Variants in SND1 observed in about 807,000 individuals in gnomAD.
SND1 encodes staphylococcal nuclease domain-containing protein 1.
In SND1, 38 loss-of-function variants were observed where a neutral mutation model predicts 121.7. The ratio of observed to expected loss-of-function variants is 0.31; its 90% CI spans 0.24 to 0.41. The LOEUF (loss-of-function observed/expected upper bound fraction) is 0.41, where lower values mean the gene tolerates loss of function less well. SND1 is among the 10% of genes least tolerant of loss of function. The pLI, the probability that SND1 is intolerant of heterozygous loss-of-function variation, is 1.00. For synonymous variants in SND1, 401 were observed against 447.4 expected, an observed-to-expected ratio of 0.90 and a Z score of 1.31; for missense variants, 868 against 1,184.6, an observed-to-expected ratio of 0.73 and a Z score of 3.92.
chr7:127,922,632 A>G (rs1240792230), intron 14 of SND1, among the ~76,000 whole-genome samples: 5 of 152,140 alleles, frequency 3.3e-5, no homozygotes, highest in Non-Finnish European at 7.4e-5. Context: ...GTTTTCTTCC[A>G]TATGTTGGAG....
At chr7:127,707,260 A>T (rs1344810469) in intron 8 of SND1, among the ~76,000 whole-genome samples, 1 of 152,178 alleles carries the variant, frequency 6.6e-6, no homozygotes, top group Admixed American at 6.5e-5. Context: ...ATTTTTTTGT[A>T]GTAGTCACCC....
chr7:127,771,656 A>G (rs1439143106), intron 10 of SND1, among the ~76,000 whole-genome samples: 2 of 152,176 alleles, frequency 1.3e-5, no homozygotes, highest in African/African-American at 2.4e-5. Context: ...ACATACATAC[A>G]CATAGCTTAA....
intron 1 of SND1, among the ~76,000 whole-genome samples, chr7:127,682,151 A>G (rs1587592304): frequency 6.6e-6 from 1 of 152,192 alleles, no homozygotes; most frequent in African/African-American, 2.4e-5. Context: ...AAACCAAGTC[A>G]TTTATCAGAA....
intron 21 of SND1, among the ~76,000 whole-genome samples, chr7:128,087,618 C>T (rs1176483401): frequency 1.3e-5 from 2 of 151,964 alleles, no homozygotes; most frequent in Admixed American, 1.3e-4. Context: ...TGAGAAGGAG[C>T]GAATTTGGGC....
intron 12 of SND1, among the ~76,000 whole-genome samples, chr7:127,845,689 G>A (rs969375451): frequency 6.6e-6 from 1 of 152,168 alleles, no homozygotes; most frequent in African/African-American, 2.4e-5. Flanking sequence ...CATCTCCATA[G>A]ATACTGCTGC....
Position 128,085,630 on chromosome 7 carries a change from C to A in SND1, c.2235-81C>A. 1 of 1,256,160 alleles carries A rather than the reference C, an allele frequency of 8.0e-7. No homozygotes were observed. Among genetic ancestry groups the A allele is most frequent in the South Asian group, 1.2e-5 (1 of 82,474 alleles). 77.8% of individuals were successfully genotyped at this position (1,256,160 alleles called of 1,614,324 possible). A position where few individuals can be genotyped will look rare whatever the true frequency, so the allele number is the denominator to read the frequency against. On this transcript the variant is annotated intron_variant, in intron 19 of 23. Transcript: ENST00000354725. The surrounding 1 kb of genome is among the most constrained non-coding windows in gnomAD (Gnocchi z 4.4). ...AACCCAGGCAGGGAAATGCTGTGCC[C>A]CTGCCCCGCCATTGCTGAGGCTCTG... is the stretch of plus-strand genomic sequence containing the variant.
chr7:128,086,766 C>T, intron 20 of SND1, 172 bp from the exon 21 acceptor site: 1 of 656,176 alleles, frequency 1.5e-6, no homozygotes, highest in Non-Finnish European at 2.8e-6. Flanking sequence ...ACGTTCTCTC[C>T]AGGCTTCACC....
chr7:127,657,261 A>G (rs1455919796), intron 1 of SND1, among the ~76,000 whole-genome samples: 1 of 152,238 alleles, frequency 6.6e-6, no homozygotes, highest in Non-Finnish European at 1.5e-5. Context: ...TTAACAAGAA[A>G]TAAGCATGAT....
intron 16 of SND1, among the ~76,000 whole-genome samples, chr7:128,007,832 A>G (rs909324493): frequency 1.3e-5 from 2 of 152,248 alleles, no homozygotes; most frequent in Non-Finnish European, 2.9e-5. Context: ...TTGAGCATAC[A>G]GCCTTCATAA....
Position 128,092,146 on chromosome 7 carries a change from A to G in SND1, c.*88A>G. On this transcript the variant is annotated 3_prime_UTR_variant, in exon 24 of 24. Transcript: ENST00000354725. This position sits in a 1 kb window ranked among gnomAD's most constrained non-coding sequence, Gnocchi z 4.9. ...GTGTTTTCAACTCCAAACCCCAGAG[A>G]GGGGTTGTAGATTGGGTCCAGCTTT... The G allele has an allele frequency of 7.4e-7, 1 of 1,359,546 alleles. No individual in the cohort carries two copies. Among genetic ancestry groups the G allele is most frequent in the Non-Finnish European group, 1.0e-6 (1 of 955,236 alleles). The allele number at this position is 1,359,546 out of a possible 1,614,324, so 84.2% of individuals were successfully genotyped here.
chr7:127,973,949 G>A (rs941049856), intron 15 of SND1, among the ~76,000 whole-genome samples: 11 of 152,232 alleles, frequency 7.2e-5, no homozygotes, highest in African/African-American at 2.7e-4. Context: ...GCCTGGCTAT[G>A]TTTCTGCCTT....
At chr7:128,082,781 A>G (rs1157147137) in intron 18 of SND1, among the ~76,000 whole-genome samples, 1 of 152,056 alleles carries the variant, frequency 6.6e-6, no homozygotes, top group Non-Finnish European at 1.5e-5. Context: ...AATCCCCGCC[A>G]GCCCACCAGA....
intron 10 of SND1, among the ~76,000 whole-genome samples, chr7:127,770,983 A>T (rs1402356566): frequency 6.6e-6 from 1 of 152,166 alleles, no homozygotes; most frequent in East Asian, 1.9e-4. Context: ...GAGTACACTG[A>T]TATCTCGTTG....
chr7:127,749,284 T>C (rs1237660314), intron 10 of SND1, among the ~76,000 whole-genome samples: 3 of 152,066 alleles, frequency 2.0e-5, no homozygotes, highest in Non-Finnish European at 4.4e-5. Flanking sequence ...TGGGATATAT[T>C]TCTAAAAGCT....
At chr7:127,861,278 A>G (rs1799373601) in intron 12 of SND1, among the ~76,000 whole-genome samples, 1 of 152,172 alleles carries the variant, frequency 6.6e-6, no homozygotes, top group Non-Finnish European at 1.5e-5. Flanking sequence ...AGAGATGTAA[A>G]TCATTGTATC....
intron 11 of SND1, among the ~76,000 whole-genome samples, chr7:127,837,077 C>T (rs146129609): frequency 1.7e-3 from 260 of 152,048 alleles, no homozygotes; most frequent in African/African-American, 6.0e-3. Context: ...TTTTTGATAC[C>T]AGGGTTTTTA....
chr7:127,759,241 A>G (rs1445516662), intron 10 of SND1, among the ~76,000 whole-genome samples: 2 of 152,198 alleles, frequency 1.3e-5, no homozygotes, highest in African/African-American at 4.8e-5. Context: ...CTGTAACAGA[A>G]TGTTCTCTAA....
Position 128,029,127 on chromosome 7 carries a change from G to GCCA in SND1, c.1779+38074_1779+38076dup. On this transcript the variant is annotated intron_variant, in intron 16 of 23. Coordinates refer to ENST00000354725, the MANE Select transcript of SND1 (RefSeq NM_014390.4). The surrounding 1 kb of genome is among the most constrained non-coding windows in gnomAD (Gnocchi z 4.2). ...GTCAGTGGTGTCTGTCGCGGGTACT[G>GCCA]CCACCTGCTTGGGCACACGGGTAGT... 6.2e-7 allele frequency: 1 copy of GCCA among 1,614,138 alleles called. No homozygotes were observed. Among genetic ancestry groups the GCCA allele is most frequent in the South Asian group, 1.1e-5 (1 of 91,082 alleles).
intron 16 of SND1, among the ~76,000 whole-genome samples, chr7:128,033,224 A>G (rs1792683985): frequency 6.6e-6 from 1 of 152,200 alleles, no homozygotes; most frequent in East Asian, 1.9e-4. Flanking sequence ...ACCCTAAGGC[A>G]TTTGACAGAC....
Sources: gnomAD v4.1 joint callset for allele counts (sites outside exome capture counted in the v4.1 genomes callset) on GRCh38, gnomAD v4.1.1 for gene constraint, Gnocchi (gnomAD v3.1) non-coding constraint, MANE v1.5 for transcripts, NCBI Gene and HGNC (gene_info 2026-07-23, HGNC 2026-07-21) for gene names.